Variants in R3HCC1L observed in about 807,000 individuals in gnomAD.
The protein encoded by R3HCC1L is R3H domain and coiled-coil containing 1 like, also known as coiled-coil domain-containing protein R3HCC1L.
In R3HCC1L, 51 loss-of-function variants were observed where a neutral mutation model predicts 59.9. The observed-to-expected ratio is 0.85, with a 90% CI of 0.68 to 1.07. R3HCC1L has a LOEUF of 1.07. Ranked by LOEUF, R3HCC1L falls within the 50% of genes least tolerant of loss-of-function variation. The pLI is 0.00. For missense variants in R3HCC1L, 965 were observed against 933.0 expected, an observed-to-expected ratio of 1.03 and a Z score of -0.45; for synonymous variants, 322 against 315.2, an observed-to-expected ratio of 1.02 and a Z score of -0.23.
chr10:98,140,876 T>TA (rs950787136), intron 1 of R3HCC1L, among the ~76,000 whole-genome samples: 1 of 152,184 alleles, frequency 6.6e-6, no homozygotes, highest in Non-Finnish European at 1.5e-5. Context: ...AAATTAAGAT[T>TA]AATATTAATT....
chr10:98,224,567 G>A (rs552437724), intron 5 of R3HCC1L, among the ~76,000 whole-genome samples: 1 of 152,174 alleles, frequency 6.6e-6, no homozygotes, highest in South Asian at 2.1e-4. Context: ...TTAGTTGAAT[G>A]GTTTTGTGGA....
At chr10:98,210,733 T>C (rs909198130) in intron 5 of R3HCC1L, among the ~76,000 whole-genome samples, 1 of 152,322 alleles carries the variant, frequency 6.6e-6, no homozygotes, top group South Asian at 2.1e-4. Flanking sequence ...AAAGGCAGAA[T>C]CAGGATTTCA....
intron 5 of R3HCC1L, among the ~76,000 whole-genome samples, chr10:98,218,689 A>G (rs957306603): frequency 6.6e-6 from 1 of 152,054 alleles, no homozygotes; most frequent in Non-Finnish European, 1.5e-5. Flanking sequence ...TGTTAGGTCC[A>G]TTTGGTTTAC....
intron 4 of R3HCC1L, among the ~76,000 whole-genome samples, chr10:98,176,546 T>C (rs996458011): frequency 1.3e-5 from 2 of 152,200 alleles, no homozygotes; most frequent in Non-Finnish European, 2.9e-5. Flanking sequence ...TGATAGAATA[T>C]AGAACTGCTT....
intron 1 of R3HCC1L, among the ~76,000 whole-genome samples, chr10:98,154,730 G>A (rs1402566465): frequency 6.6e-6 from 1 of 152,130 alleles, no homozygotes; most frequent in African/African-American, 2.4e-5. Context: ...AGAATACAGG[G>A]TAGATAACAG....
At chr10:98,196,879 A>G (rs1195154636) in intron 4 of R3HCC1L, among the ~76,000 whole-genome samples, 2 of 152,106 alleles carry the variant, frequency 1.3e-5, no homozygotes, top group African/African-American at 2.4e-5. Flanking sequence ...ACCAGCCACT[A>G]CTAATTCTGG....
chr10:98,144,814 A>G (rs1845503868), intron 1 of R3HCC1L, among the ~76,000 whole-genome samples: 1 of 152,192 alleles, frequency 6.6e-6, no homozygotes. Context: ...AGCAGTATTT[A>G]TGTCAGGTTA....
chr10:98,224,637 C>T (rs904054791), intron 5 of R3HCC1L, among the ~76,000 whole-genome samples: 37 of 152,198 alleles, frequency 2.4e-4, no homozygotes, highest in African/African-American at 8.9e-4. Context: ...AATAGCAACA[C>T]AGACCACTAT....
chr10:98,227,594 A>G (rs1410771176), intron 5 of R3HCC1L, among the ~76,000 whole-genome samples: 1 of 140,376 alleles, frequency 7.1e-6, no homozygotes, highest in Non-Finnish European at 1.5e-5. Context: ...TTTTTTTTTT[A>G]ATTATACTTT....
intron 1 of R3HCC1L, among the ~76,000 whole-genome samples, chr10:98,143,672 A>G (rs549309893): frequency 3.3e-5 from 5 of 152,336 alleles, no homozygotes; most frequent in African/African-American, 1.2e-4. Flanking sequence ...GAGAGAAAAC[A>G]TTAAAATCAG....
chr10:98,159,518 A>G (rs1590463542), intron 2 of R3HCC1L, among the ~76,000 whole-genome samples: 1 of 152,160 alleles, frequency 6.6e-6, no homozygotes, highest in Non-Finnish European at 1.5e-5. Context: ...CACTAATTTT[A>G]GTATCCATTT....
intron 2 of R3HCC1L, among the ~76,000 whole-genome samples, chr10:98,156,872 ACACT>A (rs1846936367): frequency 6.6e-6 from 1 of 152,244 alleles, no homozygotes; most frequent in African/African-American, 2.4e-5. Context: ...ATAGTTACAA[ACACT>A]CAGTCTTTCC....
chr10:98,189,100 AGAG>A (rs1377987666), intron 4 of R3HCC1L, among the ~76,000 whole-genome samples: 1 of 152,212 alleles, frequency 6.6e-6, no homozygotes, highest in African/African-American at 2.4e-5. Flanking sequence ...ATCCTTACTT[AGAG>A]GGCTTTTATT....
At chr10:98,191,468 G>C (rs1188877919) in intron 4 of R3HCC1L, among the ~76,000 whole-genome samples, 1 of 138,330 alleles carries the variant, frequency 7.2e-6, no homozygotes, top group African/African-American at 2.6e-5. Context: ...AGAAGTGTCT[G>C]TTCATATCCT....
chr10:98,215,194 C>T (rs1230791289), intron 5 of R3HCC1L, among the ~76,000 whole-genome samples: 1 of 152,084 alleles, frequency 6.6e-6, no homozygotes, highest in East Asian at 1.9e-4. Flanking sequence ...AATATTTAAA[C>T]AGTGTACAGT....
intron 9 of R3HCC1L, among the ~76,000 whole-genome samples, chr10:98,237,239 G>GA (rs1232877690): frequency 1.3e-5 from 2 of 152,190 alleles, no homozygotes; most frequent in Non-Finnish European, 2.9e-5. Context: ...ACAGACTATA[G>GA]AAACATAACC....
rs767749320 is a variant in R3HCC1L at position 98,231,591 on chromosome 10, A to G, written c.1865A>G (p.Asp622Gly). The change falls in exon 6 of 10, where the codon GAC becomes GGC. Residue 622 changes from aspartate to glycine, a missense_variant. Physicochemically the swap from Asp to Gly is moderately conservative, Grantham distance 94. Transcript: ENST00000298999. The part of the protein sequence containing the change: ...DYYNHEVPDI[D>G]LSDCEFPHVI... ...TACAATCATGAAGTTCCTGATATTG[A>G]CCTCAGTGATTGTGAATTCCCACAT... is the stretch of plus-strand genomic sequence containing the variant. The G allele has an allele frequency of 3.1e-6, 5 of 1,612,462 alleles. No homozygotes were observed. In the Admixed American group the frequency reaches 6.7e-5, roughly 22 times the overall value.
At chr10:98,138,150 A>G (rs1400772655) in intron 1 of R3HCC1L, among the ~76,000 whole-genome samples, 2 of 152,356 alleles carry the variant, frequency 1.3e-5, no homozygotes, top group Middle Eastern at 3.4e-3. Flanking sequence ...ACTTCCTTCA[A>G]GTGCCATGTT....
At chr10:98,223,733 G>A (rs1181899893) in intron 5 of R3HCC1L, among the ~76,000 whole-genome samples, 1 of 152,020 alleles carries the variant, frequency 6.6e-6, no homozygotes, top group East Asian at 1.9e-4. Flanking sequence ...GAGGACACCA[G>A]GTAGAGGCCA....
Sources: allele counts gnomAD v4.1 joint callset (sites outside exome capture counted in the v4.1 genomes callset), GRCh38; gene constraint gnomAD v4.1.1; transcripts MANE v1.5; gene names NCBI Gene and HGNC (gene_info 2026-07-23, HGNC 2026-07-21).